The following AVEN variants were observed in gnomAD, a reference collection of about 807,000 sequenced individuals.
The protein encoded by AVEN is apoptosis and caspase activation inhibitor, also known as cell death regulator Aven.
Under a neutral mutation model 38.1 loss-of-function variants are expected in AVEN, and 41 were observed. The observed-to-expected ratio is 1.08, with a 90% CI of 0.84 to 1.40. The LOEUF (loss-of-function observed/expected upper bound fraction) is 1.40, where lower values mean the gene tolerates loss of function less well. Ranked by LOEUF, AVEN falls within the 40% of genes most tolerant of loss-of-function variation. The probability of loss-of-function intolerance (pLI) is 0.00; values close to 1 mark genes in which losing one functional copy is unlikely to be tolerated. For synonymous variants in AVEN, 206 were observed against 171.8 expected (o/e 1.20, Z -1.56); for missense variants, 605 against 438.8 (o/e 1.38, Z -3.38).
downstream of AVEN, chr15:33,854,545 T>C (rs1259069902): frequency 1.7e-5 from 19 of 1,149,910 alleles, no homozygotes; most frequent in East Asian, 2.0e-4. Flanking sequence ...GGTTCAGGGA[T>C]TGCTTATCAA....
intron 2 of AVEN, among the ~76,000 whole-genome samples, chr15:33,906,785 T>C (rs1407047248): frequency 2.6e-5 from 4 of 152,038 alleles, no homozygotes. Context: ...TTTAGGAAAA[T>C]GAAAAAAACT....
At chr15:34,033,824 T>C (rs1312722714) in intron 1 of AVEN, among the ~76,000 whole-genome samples, 2 of 152,290 alleles carry the variant, frequency 1.3e-5, no homozygotes, top group Admixed American at 1.3e-4. Flanking sequence ...AGTCTCATTC[T>C]GTCTCCAGGG....
Position 33,942,053 on chromosome 15 carries a change from G to A in AVEN, c.445+60979C>T, listed in dbSNP as rs1427648750. Among the ~76,000 whole-genome samples, 3 of 152,178 alleles carry A rather than the reference G, an allele frequency of 2.0e-5. No individual in the cohort carries two copies. The East Asian group carries it at 5.8e-4, about 29-fold the overall frequency. ...AAGCTTTGAATCCTTTCTAGGGATTGTGTGACACAAATCGTTACAGCACTT... is the reference window on the plus strand; with the variant it reads ...AAGCTTTGAATCCTTTCTAGGGATTATGTGACACAAATCGTTACAGCACTT... On this transcript the variant is annotated intron_variant, in intron 2 of 5. Transcript: ENST00000306730.
chr15:33,976,409 C>T (rs985454385), intron 2 of AVEN, among the ~76,000 whole-genome samples: 20 of 151,996 alleles, frequency 1.3e-4, no homozygotes, highest in African/African-American at 4.8e-4. Flanking sequence ...TCTTGAGATT[C>T]AATTTTAAGT....
At chr15:33,958,339 G>A (rs1414275235) in intron 2 of AVEN, among the ~76,000 whole-genome samples, 2 of 152,236 alleles carry the variant, frequency 1.3e-5, no homozygotes, top group South Asian at 2.1e-4. Flanking sequence ...CAGCCCTTTG[G>A]GAGGCAGAGG....
chr15:33,986,659 T>G (rs936487663), intron 2 of AVEN, among the ~76,000 whole-genome samples: 3 of 152,164 alleles, frequency 2.0e-5, no homozygotes, highest in Non-Finnish European at 4.4e-5. Context: ...ATCAGGTTTT[T>G]GTTTTTGTTT....
intron 2 of AVEN, among the ~76,000 whole-genome samples, chr15:33,922,376 C>T (rs1216293271): frequency 6.6e-6 from 1 of 152,132 alleles, no homozygotes; most frequent in Non-Finnish European, 1.5e-5. Flanking sequence ...TATTCCTGAA[C>T]ATTATTAGTA....
At chr15:33,958,465 T>A (rs1185387929) in intron 2 of AVEN, among the ~76,000 whole-genome samples, 1 of 151,642 alleles carries the variant, frequency 6.6e-6, no homozygotes, top group Non-Finnish European at 1.5e-5. Flanking sequence ...GTAGCACACA[T>A]CTGTAATCCC....
chr15:33,980,319 T>C (rs1010246698), intron 2 of AVEN, among the ~76,000 whole-genome samples: 7 of 152,164 alleles, frequency 4.6e-5, no homozygotes, highest in African/African-American at 1.7e-4. Context: ...TCAAGAATCA[T>C]CGCACTGGTA....
chr15:33,935,692 T>C (rs1050175746), intron 2 of AVEN, among the ~76,000 whole-genome samples: 4 of 152,114 alleles, frequency 2.6e-5, no homozygotes, highest in Admixed American at 1.3e-4. Flanking sequence ...TATGAATTGT[T>C]TAAGTGGTAA....
At chr15:33,880,129 A>C (rs1891424030) in intron 2 of AVEN, among the ~76,000 whole-genome samples, 4 of 152,166 alleles carry the variant, frequency 2.6e-5, no homozygotes, top group Admixed American at 2.6e-4. Flanking sequence ...AAAATGGGTA[A>C]AATCCAACAA....
rs373285133 is a variant in AVEN, at chr15:33,983,128, CTGTGTGTGTG to C, written c.445+19894_445+19903del. 2.8e-3 allele frequency among the ~76,000 whole-genome samples: 382 copies of C among 135,154 alleles called. 4 individuals carry two copies. The highest frequency in any genetic ancestry group is 7.8e-3 in the Middle Eastern group (2 of 258). 88.7% of individuals were successfully genotyped at this position (135,154 alleles called of 152,430 possible). Reference sequence around the variant, plus strand: ...AACCATATACATATATGTCCATACTCTGTGTGTGTGTGTGTGTGTGTGTGTGTGTGTATGT... The same window carrying C: ...AACCATATACATATATGTCCATACTCTGTGTGTGTGTGTGTGTGTGTATGT... On this transcript the variant is annotated intron_variant, in intron 2 of 5. Coordinates refer to ENST00000306730, the MANE Select transcript of AVEN (RefSeq NM_020371.3).
At chr15:33,878,915 GTT>G (rs1891365578) in intron 2 of AVEN, among the ~76,000 whole-genome samples, 1 of 151,970 alleles carries the variant, frequency 6.6e-6, no homozygotes, top group Non-Finnish European at 1.5e-5. Context: ...CTTATTCAGT[GTT>G]GTTTTTGACA....
chr15:33,888,352 G>T (rs1891789874), intron 2 of AVEN, among the ~76,000 whole-genome samples: 2 of 151,926 alleles, frequency 1.3e-5, no homozygotes, highest in Non-Finnish European at 2.9e-5. Flanking sequence ...ATCCAGGTTG[G>T]GGCAGAGTCA....
chr15:33,968,048 A>G (rs367930473), intron 2 of AVEN, among the ~76,000 whole-genome samples: 10 of 148,358 alleles, frequency 6.7e-5, no homozygotes, highest in African/African-American at 2.2e-4. Flanking sequence ...AGGGAAAACC[A>G]TATGAGAAAA....
At chr15:34,016,188 C>A (rs2702303) in intron 1 of AVEN, among the ~76,000 whole-genome samples, 1 of 152,134 alleles carries the variant, frequency 6.6e-6, no homozygotes, top group Non-Finnish European at 1.5e-5. Context: ...GAGCCAAGAT[C>A]GTGCCATTGC....
chr15:33,928,370 G>C (rs1051464631), intron 2 of AVEN, among the ~76,000 whole-genome samples: 36 of 152,136 alleles, frequency 2.4e-4, no homozygotes, highest in African/African-American at 8.7e-4. Flanking sequence ...AACCTGGCCA[G>C]CAAGCTAAAA....
chr15:33,977,669 A>G (rs768342926), intron 2 of AVEN, among the ~76,000 whole-genome samples: 5 of 152,138 alleles, frequency 3.3e-5, no homozygotes, highest in Non-Finnish European at 5.9e-5. Context: ...AATTCTGACT[A>G]TTTCTACAAG....
chr15:33,970,136 T>C (rs1895571496), intron 2 of AVEN, among the ~76,000 whole-genome samples: 1 of 151,916 alleles, frequency 6.6e-6, no homozygotes, highest in African/African-American at 2.4e-5. Flanking sequence ...ACTACGGAGA[T>C]CTTGTGGTAA....
Sources: allele counts gnomAD v4.1 joint callset (sites outside exome capture counted in the v4.1 genomes callset), GRCh38; gene constraint gnomAD v4.1.1; transcripts MANE v1.5; gene names NCBI Gene and HGNC (gene_info 2026-07-23, HGNC 2026-07-21).